Variants in KLF12 observed in about 807,000 individuals in gnomAD.
The protein encoded by KLF12 is KLF transcription factor 12, also known as Krueppel-like factor 12.
A neutral mutation model predicts 37.8 loss-of-function variants in KLF12; 9 were observed. The observed-to-expected ratio is 0.24, with a 90% CI of 0.14 to 0.42. KLF12 has a LOEUF of 0.42. Among genes scored for constraint, KLF12 ranks in the 10% least tolerant of loss-of-function variants. KLF12 has a pLI of 1.00. For missense variants in KLF12, 411 were observed against 516.0 expected (o/e 0.80, Z 1.97); for synonymous variants, 208 against 202.1 (o/e 1.03, Z -0.25).
chr13:73,873,339 A>G (rs1407976269), intron 3 of KLF12, among the ~76,000 whole-genome samples: 1 of 152,172 alleles, frequency 6.6e-6, no homozygotes, highest in Non-Finnish European at 1.5e-5. Flanking sequence ...GAAAAGAGAC[A>G]AAGCTTTCTT....
At chr13:73,760,127 T>G (rs557739493) in intron 6 of KLF12, among the ~76,000 whole-genome samples, 10 of 152,044 alleles carry the variant, frequency 6.6e-5, no homozygotes, top group South Asian at 2.1e-4. Context: ...CACCCAAATG[T>G]GAAAAATGAT....
chr13:73,943,192 T>C (rs1890266707), intron 3 of KLF12, among the ~76,000 whole-genome samples: 1 of 152,220 alleles, frequency 6.6e-6, no homozygotes, highest in African/African-American at 2.4e-5. Flanking sequence ...TACGTATTTA[T>C]GTCCTTCTAT....
At chr13:74,130,847 T>C (rs565900715) in intron 1 of KLF12, among the ~76,000 whole-genome samples, 28 of 152,344 alleles carry the variant, frequency 1.8e-4, no homozygotes, top group Admixed American at 4.6e-4. Flanking sequence ...GCTAGATTTA[T>C]GAACTTGACT....
At chr13:73,804,528 C>T (rs1268606703) in intron 5 of KLF12, among the ~76,000 whole-genome samples, 1 of 151,880 alleles carries the variant, frequency 6.6e-6, no homozygotes, top group African/African-American at 2.4e-5. Context: ...TCCTAAATAC[C>T]CACAGACTGA....
At chr13:73,955,045 T>A (rs1890789348) in intron 2 of KLF12, among the ~76,000 whole-genome samples, 1 of 152,238 alleles carries the variant, frequency 6.6e-6, no homozygotes, top group South Asian at 2.1e-4. Context: ...TGAGACTTTC[T>A]TCTGGTTTCA....
chr13:74,272,084 C>T, the KLF12 span, among the ~76,000 whole-genome samples: 2 of 152,174 alleles, frequency 1.3e-5, no homozygotes, highest in Non-Finnish European at 2.9e-5. Flanking sequence ...GTACATATTG[C>T]CATCATAAAT....
intron 5 of KLF12, 115 bp downstream of exon 5, chr13:73,813,037 T>C (rs1014337591): frequency 6.5e-6 from 7 of 1,070,244 alleles, no homozygotes; most frequent in Non-Finnish European, 8.2e-6. Context: ...GCTGCTGACA[T>C]TCGTGCCAGT....
intron 1 of KLF12, among the ~76,000 whole-genome samples, chr13:74,009,661 T>G (rs1892499861): frequency 6.6e-6 from 1 of 152,220 alleles, no homozygotes; most frequent in Non-Finnish European, 1.5e-5. Flanking sequence ...ACGGCTTGAT[T>G]TGCTGGCATG....
intron 1 of KLF12, among the ~76,000 whole-genome samples, chr13:74,029,962 C>T (rs1270615160): frequency 6.6e-6 from 1 of 152,052 alleles, no homozygotes; most frequent in East Asian, 1.9e-4. Flanking sequence ...CCACAGATGC[C>T]TCTAAATTAC....
rs961656145 is a variant in KLF12, at chr13:73,690,611, T to A, written c.*4879A>T. On this transcript the variant is annotated 3_prime_UTR_variant, in exon 8 of 8. Coordinates refer to ENST00000377669, the MANE Select transcript of KLF12 (RefSeq NM_007249.5). ...TAAACCATGACAAGTGGCCACTCTA[T>A]TTTGAACAGAACACGAAGAGCATGC... 1.3e-5 allele frequency: 2 copies of A among 152,228 alleles called. No individual in the cohort carries two copies. Among genetic ancestry groups the A allele is most frequent in the African/African-American group, 4.8e-5 (2 of 41,468 alleles). 9.4% of individuals were successfully genotyped at this position (152,228 alleles called of 1,614,324 possible).
At chr13:74,135,899 C>T (rs1878539132), upstream of KLF12, among the ~76,000 whole-genome samples, 1 of 152,192 alleles carries the variant, frequency 6.6e-6, no homozygotes, top group South Asian at 2.1e-4. Flanking sequence ...GGCTCCCCAT[C>T]GGTGTGGCGG....
intron 1 of KLF12, among the ~76,000 whole-genome samples, chr13:74,025,730 C>A (rs2138450218): frequency 6.6e-6 from 1 of 152,188 alleles, no homozygotes; most frequent in East Asian, 1.9e-4. Context: ...TATAAACAGT[C>A]ACTGTCGTAA....
At chr13:73,731,536 C>CAAAAAAAA (rs66701744) in intron 6 of KLF12, among the ~76,000 whole-genome samples, 22 of 103,482 alleles carry the variant, frequency 2.1e-4, no homozygotes, top group East Asian at 2.9e-4. Context: ...GGAAATTAGA[C>CAAAAAAAA]AAAAAAAAAA....
At chr13:73,867,444 G>A (rs1886232576) in intron 3 of KLF12, among the ~76,000 whole-genome samples, 2 of 150,994 alleles carry the variant, frequency 1.3e-5, no homozygotes, top group South Asian at 2.1e-4. Context: ...ACATACATAT[G>A]ACATATATAT....
intron 3 of KLF12, among the ~76,000 whole-genome samples, chr13:73,875,868 T>G (rs1594200770): frequency 1.3e-5 from 2 of 152,328 alleles, no homozygotes; most frequent in African/African-American, 4.8e-5. Context: ...CTGAATGATC[T>G]GAAACAAAAT....
the KLF12 span, among the ~76,000 whole-genome samples, chr13:74,158,462 C>T: frequency 3.5e-4 from 53 of 152,318 alleles, 1 homozygote; most frequent in South Asian, 0.011. Context: ...CCTTCACTCA[C>T]ACTCTTGCTT....
At chr13:74,100,445 C>T (rs1178993535) in intron 1 of KLF12, among the ~76,000 whole-genome samples, 1 of 152,092 alleles carries the variant, frequency 6.6e-6, no homozygotes, top group Non-Finnish European at 1.5e-5. Context: ...TGGCAAAACC[C>T]CATTTCCACT....
chr13:73,974,346 A>T (rs1345708631), intron 2 of KLF12, among the ~76,000 whole-genome samples: 1 of 151,656 alleles, frequency 6.6e-6, no homozygotes, highest in Non-Finnish European at 1.5e-5. Context: ...TCAGGCAGAA[A>T]AGAGCAATTC....
intron 1 of KLF12, among the ~76,000 whole-genome samples, chr13:74,091,854 A>G (rs2138822075): frequency 6.6e-6 from 1 of 152,284 alleles, no homozygotes; most frequent in South Asian, 2.1e-4. Context: ...ACTTAATTGT[A>G]ACATATGTAC....
Sources: gnomAD v4.1 joint callset for allele counts (sites outside exome capture counted in the v4.1 genomes callset) on GRCh38, gnomAD v4.1.1 for gene constraint, MANE v1.5 for transcripts, NCBI Gene and HGNC (gene_info 2026-07-23, HGNC 2026-07-21) for gene names.